The following ZNF804B variants were observed in gnomAD, a reference collection of about 807,000 sequenced individuals.
ZNF804B encodes the protein zinc finger 804B.
A neutral mutation model predicts 101.4 loss-of-function variants in ZNF804B; 80 were observed. The ratio of observed to expected loss-of-function variants is 0.79; its 90% CI spans 0.66 to 0.95. ZNF804B has a LOEUF of 0.95. Ranked by LOEUF, ZNF804B falls within the 40% of genes least tolerant of loss-of-function variation. ZNF804B has a pLI of 0.00. For missense variants in ZNF804B, 1,673 were observed against 1,561.9 expected (o/e 1.07, Z -1.20); for synonymous variants, 622 against 558.8 (o/e 1.11, Z -1.59).
At chr7:89,104,704 TC>T (rs1790109887) in intron 1 of ZNF804B, among the ~76,000 whole-genome samples, 2 of 152,076 alleles carry the variant, frequency 1.3e-5, no homozygotes, top group Non-Finnish European at 2.9e-5. Flanking sequence ...TTAAATTTTT[TC>T]CACCTTCTTG....
intron 3 of ZNF804B, among the ~76,000 whole-genome samples, chr7:89,329,748 T>C (rs1222269511): frequency 1.3e-5 from 2 of 151,662 alleles, no homozygotes; most frequent in Non-Finnish European, 3.0e-5. Flanking sequence ...CATCTTAATA[T>C]GGAAATTTTT....
intron 1 of ZNF804B, among the ~76,000 whole-genome samples, chr7:88,937,165 C>G (rs1792985700): frequency 7.3e-6 from 1 of 136,708 alleles, no homozygotes; most frequent in African/African-American, 2.7e-5. Context: ...CTGAATTTGA[C>G]AGAAAGAAAG....
intron 1 of ZNF804B, among the ~76,000 whole-genome samples, chr7:89,127,782 T>C (rs1312834838): frequency 6.6e-6 from 1 of 151,604 alleles, no homozygotes. Context: ...GGTTTGCCAT[T>C]AAGTAATGGC....
At chr7:88,847,409 G>A (rs1384523502) in intron 1 of ZNF804B, among the ~76,000 whole-genome samples, 1 of 151,824 alleles carries the variant, frequency 6.6e-6, no homozygotes, top group African/African-American at 2.4e-5. Context: ...TTAGCTTTAG[G>A]AGCTTAATTT....
chr7:89,093,472 A>G (rs1164880545), intron 1 of ZNF804B, among the ~76,000 whole-genome samples: 1 of 152,236 alleles, frequency 6.6e-6, no homozygotes, highest in African/African-American at 2.4e-5. Context: ...AAAAATTTGT[A>G]TACATCAAGG....
intron 1 of ZNF804B, among the ~76,000 whole-genome samples, chr7:89,112,334 T>C (rs1316244813): frequency 3.9e-5 from 6 of 152,178 alleles, no homozygotes; most frequent in Non-Finnish European, 8.8e-5. Context: ...TTTTCTTGCA[T>C]GTGGATGCCC....
intron 2 of ZNF804B, among the ~76,000 whole-genome samples, chr7:89,319,746 T>C (rs1798298112): frequency 6.6e-6 from 1 of 152,136 alleles, no homozygotes. Flanking sequence ...AGAGAACTAA[T>C]GATAAGGTAG....
intron 1 of ZNF804B, among the ~76,000 whole-genome samples, chr7:89,200,844 T>A (rs1025677687): frequency 6.6e-6 from 1 of 152,068 alleles, no homozygotes; most frequent in African/African-American, 2.4e-5. Flanking sequence ...ATCTGGATTC[T>A]TTTGCCCACC....
chr7:89,196,861 G>GA (rs1228764629), intron 1 of ZNF804B, among the ~76,000 whole-genome samples: 6 of 151,958 alleles, frequency 3.9e-5, no homozygotes, highest in Non-Finnish European at 7.4e-5. Flanking sequence ...ACAAACATAT[G>GA]AAAAAAAGCT....
chr7:88,990,795 A>C (rs1414500540), intron 1 of ZNF804B, among the ~76,000 whole-genome samples: 4 of 152,084 alleles, frequency 2.6e-5, no homozygotes, highest in African/African-American at 9.7e-5. Context: ...ACTCATCTTG[A>C]TATCCATCCA....
At chr7:89,010,161 A>G (rs563887954) in intron 1 of ZNF804B, among the ~76,000 whole-genome samples, 24 of 152,188 alleles carry the variant, frequency 1.6e-4, no homozygotes, top group Non-Finnish European at 3.4e-4. Context: ...AGATAATAAT[A>G]CTAATAATAC....
chr7:89,312,396 T>C (rs898450207), intron 2 of ZNF804B, among the ~76,000 whole-genome samples: 2 of 152,162 alleles, frequency 1.3e-5, no homozygotes, highest in East Asian at 3.9e-4. Flanking sequence ...TTCTAGCACA[T>C]GTCGAACGAA....
intron 1 of ZNF804B, among the ~76,000 whole-genome samples, chr7:88,879,681 C>T (rs536297085): frequency 9.9e-5 from 15 of 152,098 alleles, no homozygotes; most frequent in African/African-American, 2.9e-4. Flanking sequence ...CTTTCTGGAC[C>T]GCACCCTGTG....
chr7:89,183,593 T>C (rs1387264154), intron 1 of ZNF804B, among the ~76,000 whole-genome samples: 6 of 152,200 alleles, frequency 3.9e-5, no homozygotes, highest in Admixed American at 3.3e-4. Context: ...CTTCAAATAC[T>C]GCATTCCTAA....
rs77653931 is a variant in ZNF804B at position 89,252,908 on chromosome 7, A to G, written c.249+34613A>G. 1.6e-3 allele frequency among the ~76,000 whole-genome samples: 244 copies of G among 152,210 alleles called. 2 individuals carry two copies. The highest frequency in any genetic ancestry group is 0.012 in the Admixed American group (186 of 15,270). On this transcript the variant is annotated intron_variant, in intron 2 of 3. Transcript: ENST00000333190. ...GAAGGAGGGGGACAATTTTTCAAAA[A>G]CTATTGGTTACTATGCTCAGTAACT...
intron 1 of ZNF804B, among the ~76,000 whole-genome samples, chr7:89,135,926 G>A (rs1278673922): frequency 1.3e-5 from 2 of 151,838 alleles, no homozygotes; most frequent in East Asian, 3.9e-4. Context: ...GCTATCTTTT[G>A]GCTTAATATT....
At chr7:89,039,324 T>C (rs1356807978) in intron 1 of ZNF804B, among the ~76,000 whole-genome samples, 2 of 152,056 alleles carry the variant, frequency 1.3e-5, no homozygotes, top group African/African-American at 4.8e-5. Flanking sequence ...ATATTAATTC[T>C]TCTAATCAAT....
At chr7:89,221,619 G>GT (rs1420876324) in intron 2 of ZNF804B, among the ~76,000 whole-genome samples, 8 of 151,676 alleles carry the variant, frequency 5.3e-5, no homozygotes, top group South Asian at 4.2e-4. Context: ...TAATCAATTT[G>GT]TTTTTTTATC....
chr7:88,761,881 T>C (rs554955942), intron 1 of ZNF804B, among the ~76,000 whole-genome samples: 4 of 152,284 alleles, frequency 2.6e-5, no homozygotes, highest in Non-Finnish European at 2.9e-5. Context: ...AAAGTGTCCT[T>C]TCTCTCCCAC....
Sources: gnomAD v4.1 joint callset for allele counts (sites outside exome capture counted in the v4.1 genomes callset) on GRCh38, gnomAD v4.1.1 for gene constraint, MANE v1.5 for transcripts, NCBI Gene and HGNC (gene_info 2026-07-23, HGNC 2026-07-21) for gene names.